The following PTPRR variants were observed in gnomAD, a reference collection of about 807,000 sequenced individuals.
PTPRR encodes the protein receptor-type tyrosine-protein phosphatase R.
PTPRR carries 38 observed loss-of-function variants against 77.2 expected under a neutral mutation model. That is an observed-to-expected ratio of 0.49 (90% CI 0.38 to 0.65). The LOEUF is 0.65. Ranked by LOEUF, PTPRR falls within the 30% of genes least tolerant of loss-of-function variation. The pLI is 0.00. For missense variants in PTPRR, 744 were observed against 799.2 expected, an observed-to-expected ratio of 0.93 and a Z score of 0.83; for synonymous variants, 299 against 283.1, an observed-to-expected ratio of 1.06 and a Z score of -0.57.
At chr12:70,883,735 T>C (rs551149422) in intron 2 of PTPRR, among the ~76,000 whole-genome samples, 317 of 152,292 alleles carry the variant, frequency 2.1e-3, no homozygotes, top group Middle Eastern at 6.8e-3. Flanking sequence ...TGGGGTCTTA[T>C]ACCCTCCCAG....
At chr12:70,658,636 A>T (rs756535284) in intron 12 of PTPRR, among the ~76,000 whole-genome samples, 2 of 152,188 alleles carry the variant, frequency 1.3e-5, no homozygotes, top group East Asian at 3.9e-4. Flanking sequence ...TTGAAGAGAA[A>T]GTTATTTTAG....
At chr12:70,714,856 G>T (rs766963352) in intron 6 of PTPRR, among the ~76,000 whole-genome samples, 2 of 151,988 alleles carry the variant, frequency 1.3e-5, no homozygotes, top group African/African-American at 4.8e-5. Flanking sequence ...ATGGTGGTGT[G>T]TTCCTGTAGT....
chr12:70,691,656 G>A (rs1888060223), intron 8 of PTPRR, among the ~76,000 whole-genome samples: 1 of 152,102 alleles, frequency 6.6e-6, no homozygotes, highest in Non-Finnish European at 1.5e-5. Context: ...GTTCCTGACA[G>A]CTTTCTGCTA....
chr12:70,836,258 C>T (rs1892301062), intron 2 of PTPRR, among the ~76,000 whole-genome samples: 1 of 151,542 alleles, frequency 6.6e-6, no homozygotes, highest in South Asian at 2.1e-4. Flanking sequence ...CTTTTCCTCT[C>T]TGCTTATGAA....
At chr12:70,670,181 G>A (rs892069854) in intron 10 of PTPRR, among the ~76,000 whole-genome samples, 8 of 152,190 alleles carry the variant, frequency 5.3e-5, no homozygotes, top group African/African-American at 1.9e-4. Context: ...AAAGAGTACA[G>A]CTGTGTTAAA....
chr12:70,757,475 C>T (rs1890589002), intron 4 of PTPRR, among the ~76,000 whole-genome samples: 1 of 151,954 alleles, frequency 6.6e-6, no homozygotes, highest in Admixed American at 6.6e-5. Flanking sequence ...TATATGAGTG[C>T]CTATAATGTT....
intron 2 of PTPRR, among the ~76,000 whole-genome samples, chr12:70,840,191 G>C (rs1357979216): frequency 6.6e-6 from 1 of 152,098 alleles, no homozygotes; most frequent in African/African-American, 2.4e-5. Context: ...GGTTCTGGAG[G>C]GGGAATCTAG....
At chr12:70,706,587 T>C (rs1255858800) in intron 6 of PTPRR, among the ~76,000 whole-genome samples, 1 of 152,146 alleles carries the variant, frequency 6.6e-6, no homozygotes, top group East Asian at 1.9e-4. Flanking sequence ...AGGTAGAATG[T>C]TGCTATGCCT....
At position 70,784,466 on chromosome 12, in the gene PTPRR, C is replaced by T. The variant is rs1313009420; in HGVS notation, c.358-19688G>A. On this transcript the variant is annotated intron_variant, in intron 2 of 13. Coordinates refer to ENST00000283228, the MANE Select transcript of PTPRR (RefSeq NM_002849.4). Reference sequence around the variant, plus strand: ...GTCTCTCCGGAGCTCCCCCTGTGGCCCGGGAGCTCAGGGGCTAGCCAGAGC... The same window carrying T: ...GTCTCTCCGGAGCTCCCCCTGTGGCTCGGGAGCTCAGGGGCTAGCCAGAGC... 2.0e-5 allele frequency among the ~76,000 whole-genome samples: 3 copies of T among 152,108 alleles called. No individual in the cohort carries two copies. The South Asian group carries it at 6.2e-4, about 31-fold the overall frequency.
intron 4 of PTPRR, among the ~76,000 whole-genome samples, chr12:70,758,526 T>A (rs139417994): frequency 6.6e-6 from 1 of 152,336 alleles, no homozygotes; most frequent in East Asian, 1.9e-4. Flanking sequence ...GGAAGCAGGA[T>A]ACATTTATCC....
intron 2 of PTPRR, among the ~76,000 whole-genome samples, chr12:70,804,814 C>T (rs1021418365): frequency 1.3e-5 from 2 of 152,072 alleles, no homozygotes; most frequent in African/African-American, 2.4e-5. Flanking sequence ...TTGTAAACCA[C>T]GGGTCACTGC....
intron 2 of PTPRR, among the ~76,000 whole-genome samples, chr12:70,869,530 T>G (rs1253232719): frequency 1.3e-5 from 2 of 152,348 alleles, no homozygotes; most frequent in East Asian, 1.9e-4. Flanking sequence ...TTTTAATTCT[T>G]GGGACCTGTG....
At chr12:70,672,645 G>T (rs890762294) in intron 10 of PTPRR, 6 of 1,532,842 alleles carry the variant, frequency 3.9e-6, no homozygotes, top group Non-Finnish European at 5.3e-6. Flanking sequence ...ATGGGGAAGT[G>T]GTCCAGAGCA....
rs138150353 is a variant in PTPRR at position 70,703,958 on chromosome 12, G to C, written c.1008-2635C>G. On this transcript the variant is annotated intron_variant, in intron 6 of 13. Coordinates refer to ENST00000283228, the MANE Select transcript of PTPRR (RefSeq NM_002849.4). ...TTTTTGGTCTAGAGTTAAAGAATCT[G>C]GTAGGAAAAAAAGTGTAGGAGAATA... Among the ~76,000 whole-genome samples the C allele has an allele frequency of 9.2e-5, 14 of 151,994 alleles. No individual in the cohort carries two copies. The East Asian group carries it at 2.7e-3, about 29-fold the overall frequency.
intron 13 of PTPRR, among the ~76,000 whole-genome samples, chr12:70,649,442 T>C (rs1886313743): frequency 6.6e-6 from 1 of 152,046 alleles, no homozygotes; most frequent in Non-Finnish European, 1.5e-5. Flanking sequence ...TAAAAAAGAG[T>C]AGAAAAGGAT....
At position 70,638,961 on chromosome 12, in the gene PTPRR, T is replaced by C. The variant is rs985761646; in HGVS notation, c.*223A>G. On this transcript the variant is annotated 3_prime_UTR_variant, in exon 14 of 14. Transcript: ENST00000283228. ...TGATAAACCTATCATACCTCCATCATCAAAAAACCTTCAGAATAATTTGGG... is the reference window on the plus strand; with the variant it reads ...TGATAAACCTATCATACCTCCATCACCAAAAAACCTTCAGAATAATTTGGG... 5.5e-6 allele frequency: 3 copies of C among 541,106 alleles called. No homozygotes were observed. The highest frequency in any genetic ancestry group is 6.6e-6 in the Non-Finnish European group (2 of 302,054). 33.5% of individuals were successfully genotyped at this position (541,106 alleles called of 1,614,324 possible).
rs139219029 is a variant in PTPRR, at chr12:70,688,005, C to T, written c.1280-3222G>A. Reference sequence around the variant, plus strand: ...CATTTTCCCCCAAATCTCATACAGTCTTAACAGATCTATCTCTACATTTCC... The same window carrying T: ...CATTTTCCCCCAAATCTCATACAGTTTTAACAGATCTATCTCTACATTTCC... On this transcript the variant is annotated intron_variant, in intron 8 of 13. Transcript: ENST00000283228. Among the ~76,000 whole-genome samples the T allele has an allele frequency of 8.5e-5, 13 of 152,290 alleles. No homozygotes were observed. The East Asian group carries it at 2.5e-3, about 29-fold the overall frequency.
chr12:70,820,584 T>C (rs1386959723), intron 2 of PTPRR, among the ~76,000 whole-genome samples: 4 of 152,194 alleles, frequency 2.6e-5, no homozygotes, highest in African/African-American at 4.8e-5. Flanking sequence ...CTGCACATCT[T>C]GGCCTCCCAA....
chr12:70,661,139 G>C (rs200315500), intron 11 of PTPRR, 42 bp from the exon 12 acceptor site: 1 of 1,575,704 alleles, frequency 6.3e-7, no homozygotes, highest in African/African-American at 1.3e-5. Context: ...TTCACTTGTA[G>C]AACTAAAAGT....
Sources: allele counts gnomAD v4.1 joint callset (sites outside exome capture counted in the v4.1 genomes callset), GRCh38; gene constraint gnomAD v4.1.1; transcripts MANE v1.5; gene names NCBI Gene and HGNC (gene_info 2026-07-23, HGNC 2026-07-21).